The following RBP7 variants were observed in gnomAD, a reference collection of about 807,000 sequenced individuals.
RBP7 encodes retinol binding protein 7.
In RBP7, 13 loss-of-function variants were observed where a neutral mutation model predicts 16.7. That is an observed-to-expected ratio of 0.78 (90% confidence interval 0.51 to 1.24). The LOEUF (loss-of-function observed/expected upper bound fraction) is 1.24, where lower values mean the gene tolerates loss of function less well. Among genes scored for constraint, RBP7 ranks in the 50% most tolerant of loss-of-function variants. The pLI is 0.00. For missense variants in RBP7, 145 were observed against 159.5 expected (o/e 0.91, Z 0.49); for synonymous variants, 54 against 56.2 (o/e 0.96, Z 0.17).
chr1:10,009,565 AGTGTCACCCACGCTGGAGTGCAGTG>A (rs1442713780), intron 3 of RBP7, among the ~76,000 whole-genome samples: 1 of 145,326 alleles, frequency 6.9e-6, no homozygotes, highest in Non-Finnish European at 1.5e-5. Context: ...TCTGTCACCC[AGTGTCACCCACGCTGGAGTGCAGTG>A]GTGTGATCTC....
At chr1:9,999,102 T>C (rs780926153) in intron 1 of RBP7, among the ~76,000 whole-genome samples, 12 of 152,120 alleles carry the variant, frequency 7.9e-5, no homozygotes, top group African/African-American at 9.7e-5. Context: ...CTCATGAGAT[T>C]TGATGGTTTT....
intron 1 of RBP7, among the ~76,000 whole-genome samples, chr1:10,006,264 TG>T (rs2101735432): frequency 6.6e-6 from 1 of 152,202 alleles, no homozygotes; most frequent in African/African-American, 2.4e-5. Flanking sequence ...CCCAGCACTT[TG>T]GGAGGCTGAG....
In RBP7 at chr1:10,015,939, T is replaced by C. The variant is rs112943192; in HGVS notation, c.*107T>C. On this transcript the variant is annotated 3_prime_UTR_variant, in exon 4 of 4. Coordinates refer to ENST00000294435, the MANE Select transcript of RBP7 (RefSeq NM_052960.3). ...CCATTTGGCGACGAGGACTCGTGGC[T>C]GGAGAGAGCCACACAGCGTGTAACC... The C allele has an allele frequency of 2.0e-6, 2 of 1,000,724 alleles. No individual in the cohort carries two copies. Among genetic ancestry groups the C allele is most frequent in the Non-Finnish European group, 3.1e-6 (2 of 641,588 alleles). 62.0% of individuals were successfully genotyped at this position (1,000,724 alleles called of 1,614,324 possible).
At chr1:10,010,908 T>A (rs1642599461) in intron 3 of RBP7, among the ~76,000 whole-genome samples, 1 of 151,786 alleles carries the variant, frequency 6.6e-6, no homozygotes, top group Admixed American at 6.6e-5. Context: ...TTTGCATTTT[T>A]AGTAGAGACA....
intron 1 of RBP7, among the ~76,000 whole-genome samples, chr1:10,001,024 G>T (rs1393991536): frequency 6.6e-6 from 1 of 152,134 alleles, no homozygotes; most frequent in South Asian, 2.1e-4. Flanking sequence ...GTGAGCTACC[G>T]TGCCTGGCTG....
chr1:10,011,398 G>A (rs1027640203), intron 3 of RBP7, among the ~76,000 whole-genome samples: 1 of 152,154 alleles, frequency 6.6e-6, no homozygotes, highest in Admixed American at 6.6e-5. Context: ...AAAGAAAAAG[G>A]CTAATCTATA....
intron 3 of RBP7, among the ~76,000 whole-genome samples, chr1:10,008,850 A>T (rs973586134): frequency 3.3e-5 from 5 of 152,310 alleles, no homozygotes; most frequent in African/African-American, 9.6e-5. Flanking sequence ...AGGCAGGAAG[A>T]TAACATGCAA....
intron 1 of RBP7, among the ~76,000 whole-genome samples, chr1:9,999,797 C>T (rs1348199599): frequency 2.1e-5 from 3 of 139,710 alleles, no homozygotes; most frequent in East Asian, 2.1e-4. Context: ...TGGTTGTTTA[C>T]ATAATACTGT....
chr1:9,997,346 A>AGGCGGC lies in RBP7; in HGVS notation c.73+23_73+28dup. ...GCTGGCCCTAGGTAAGGCGGAGGGG[A>AGGCGGC]GGCGGCGGCGGCGCGAGGCTCGCCG... On this transcript the variant is annotated intron_variant, in intron 1 of 3. Coordinates refer to ENST00000294435, the MANE Select transcript of RBP7 (RefSeq NM_052960.3). The surrounding 1 kb of genome is among the most constrained non-coding windows in gnomAD (Gnocchi z 5.9). 6.2e-7 allele frequency: 1 copy of AGGCGGC among 1,608,398 alleles called. No individual in the cohort carries two copies. The highest frequency in any genetic ancestry group is 8.5e-7 in the Non-Finnish European group (1 of 1,177,800).
At chr1:10,000,020 G>T (rs1023732173) in intron 1 of RBP7, among the ~76,000 whole-genome samples, 1 of 151,794 alleles carries the variant, frequency 6.6e-6, no homozygotes, top group Non-Finnish European at 1.5e-5. Flanking sequence ...ATGAGGTCAG[G>T]AGTTCAAGAC....
At chr1:10,012,446 A>G (rs1210233298) in intron 3 of RBP7, among the ~76,000 whole-genome samples, 1 of 152,008 alleles carries the variant, frequency 6.6e-6, no homozygotes, top group Non-Finnish European at 1.5e-5. Context: ...CAAAGAATAT[A>G]TACATATGTT....
At chr1:10,013,073 G>T (rs1642671870) in intron 3 of RBP7, among the ~76,000 whole-genome samples, 1 of 131,436 alleles carries the variant, frequency 7.6e-6, no homozygotes, top group Non-Finnish European at 1.5e-5. Flanking sequence ...TACTTACCAT[G>T]ATTTTTTTTT....
intron 3 of RBP7, among the ~76,000 whole-genome samples, chr1:10,011,157 CTTTAT>C (rs1642605481): frequency 6.6e-6 from 1 of 152,062 alleles, no homozygotes. Flanking sequence ...ATTTAACATT[CTTTAT>C]TTTATTTTTC....
intron 2 of RBP7, 78 bp downstream of exon 2, chr1:10,007,826 C>T: frequency 7.7e-7 from 1 of 1,306,960 alleles, no homozygotes; most frequent in Non-Finnish European, 1.1e-6. Context: ...GCAGGCGGAC[C>T]ACCTGAGGTC....
At chr1:10,006,694 C>T (rs922659008) in intron 1 of RBP7, among the ~76,000 whole-genome samples, 2 of 125,018 alleles carry the variant, frequency 1.6e-5, no homozygotes, top group African/African-American at 3.1e-5. Context: ...GACTGTGTCT[C>T]GGAAAAAAAA....
chr1:10,004,912 G>A (rs542107585), intron 1 of RBP7, among the ~76,000 whole-genome samples: 1 of 152,116 alleles, frequency 6.6e-6, no homozygotes, highest in Non-Finnish European at 1.5e-5. Context: ...AAGATCTCTC[G>A]AGCCTGGGAA....
chr1:10,015,756 T>C, intron 3 of RBP7, 26 bp from the exon 4 acceptor site: 1 of 1,608,870 alleles, frequency 6.2e-7, no homozygotes, highest in Non-Finnish European at 8.5e-7. Context: ...CTGATCCTTC[T>C]TTTTCCCTTC....
intron 3 of RBP7, among the ~76,000 whole-genome samples, chr1:10,014,173 C>T (rs1474312407): frequency 1.3e-5 from 2 of 151,988 alleles, no homozygotes; most frequent in Non-Finnish European, 2.9e-5. Context: ...GAACTAATCA[C>T]AAATAGCCAT....
rs1374977257 is a variant in RBP7, at chr1:10,015,956, C to T, written c.*124C>T. ...CTCGTGGCTGGAGAGAGCCACACAGCGTGTAACCTGAAGTCATCTAGATTA... is the reference window on the plus strand; with the variant it reads ...CTCGTGGCTGGAGAGAGCCACACAGTGTGTAACCTGAAGTCATCTAGATTA... On this transcript the variant is annotated 3_prime_UTR_variant, in exon 4 of 4. Coordinates refer to ENST00000294435, the MANE Select transcript of RBP7 (RefSeq NM_052960.3). The T allele has an allele frequency of 5.0e-6, 4 of 802,868 alleles. No individual in the cohort carries two copies. In the Admixed American group the frequency reaches 6.3e-5, roughly 13 times the overall value. 49.7% of individuals were successfully genotyped at this position (802,868 alleles called of 1,614,324 possible). A position where few individuals can be genotyped will look rare whatever the true frequency, so the allele number is the denominator to read the frequency against.
Sources: allele counts gnomAD v4.1 joint callset (sites outside exome capture counted in the v4.1 genomes callset), GRCh38; gene constraint gnomAD v4.1.1; non-coding constraint Gnocchi (gnomAD v3.1); transcripts MANE v1.5; gene names NCBI Gene and HGNC (gene_info 2026-07-23, HGNC 2026-07-21).